The following ZMAT5 variants were observed in gnomAD, a reference collection of about 807,000 sequenced individuals.
ZMAT5 encodes the protein zinc finger matrin-type protein 5.
Under a neutral mutation model 28.0 loss-of-function variants are expected in ZMAT5, and 23 were observed. That is an observed-to-expected ratio of 0.82 (90% CI 0.59 to 1.16). The LOEUF (loss-of-function observed/expected upper bound fraction) is 1.16, where lower values mean the gene tolerates loss of function less well. ZMAT5 is among the 50% of genes most tolerant of loss of function. The pLI, the probability that ZMAT5 is intolerant of heterozygous loss-of-function variation, is 0.00. For missense variants in ZMAT5, 173 were observed against 212.7 expected, an observed-to-expected ratio of 0.81 and a Z score of 1.16; for synonymous variants, 76 against 84.1, an observed-to-expected ratio of 0.90 and a Z score of 0.52.
At chr22:29,752,373 T>C (rs2147230861) in intron 1 of ZMAT5, among the ~76,000 whole-genome samples, 1 of 152,282 alleles carries the variant, frequency 6.6e-6, no homozygotes, top group Middle Eastern at 3.4e-3. Flanking sequence ...CCCCTCTCTC[T>C]CACCCCCTCC....
intron 5 of ZMAT5, among the ~76,000 whole-genome samples, chr22:29,737,454 T>C (rs2067916955): frequency 2.0e-5 from 3 of 152,250 alleles, no homozygotes; most frequent in Admixed American, 2.0e-4. Context: ...CCCCAGACTA[T>C]CTGGCCAGGT....
chr22:29,740,606 C>G lies in ZMAT5; in HGVS notation c.271+44G>C, dbSNP rs2067952260. On this transcript the variant is annotated intron_variant, in intron 4 of 5. Coordinates refer to ENST00000344318, the MANE Select transcript of ZMAT5 (RefSeq NM_001003692.2). ...TCCCCGGTCTCAGAGCCCACATGCC[C>G]CAGCACCCCACTCCCGCTTAGCCCA... 1.9e-6 allele frequency: 3 copies of G among 1,552,070 alleles called. No individual in the cohort carries two copies. The South Asian group carries it at 3.5e-5, about 18-fold the overall frequency.
intron 5 of ZMAT5, among the ~76,000 whole-genome samples, chr22:29,734,912 C>G (rs1222176491): frequency 6.6e-6 from 1 of 152,108 alleles, no homozygotes; most frequent in African/African-American, 2.4e-5. Context: ...CAGGGTGCAT[C>G]AGGGCTGCTG....
chr22:29,733,004 CCA>C (rs1381261567), intron 5 of ZMAT5, among the ~76,000 whole-genome samples: 1 of 152,204 alleles, frequency 6.6e-6, no homozygotes, highest in Non-Finnish European at 1.5e-5. Flanking sequence ...CTATTCTGGG[CCA>C]CACACCATGA....
chr22:29,737,954 G>A (rs989146531), intron 5 of ZMAT5, among the ~76,000 whole-genome samples: 3 of 151,830 alleles, frequency 2.0e-5, no homozygotes, highest in African/African-American at 7.3e-5. Flanking sequence ...CGGGCAAGTC[G>A]CACCCTCCCT....
intron 1 of ZMAT5, among the ~76,000 whole-genome samples, chr22:29,757,257 A>AC (rs2068111552): frequency 6.6e-6 from 1 of 151,346 alleles, no homozygotes; most frequent in Non-Finnish European, 1.5e-5. Context: ...AAAAAAAAAA[A>AC]CAGAAAGAAA....
intron 1 of ZMAT5, among the ~76,000 whole-genome samples, chr22:29,755,334 A>G (rs867636073): frequency 5.1e-5 from 1 of 19,708 alleles, no homozygotes; most frequent in Non-Finnish European, 1.1e-4. Flanking sequence ...AAGGAGAGAG[A>G]GAGAGAGGGA....
At chr22:29,745,984 T>G (rs2147225194) in intron 2 of ZMAT5, among the ~76,000 whole-genome samples, 1 of 152,292 alleles carries the variant, frequency 6.6e-6, no homozygotes, top group Admixed American at 6.5e-5. Flanking sequence ...TTTATTTATT[T>G]TTTTTTGAGA....
At chr22:29,742,332 G>T in intron 3 of ZMAT5, 86 bp downstream of exon 3, 1 of 1,406,388 alleles carries the variant, frequency 7.1e-7, no homozygotes, top group Non-Finnish European at 9.9e-7. Context: ...GGCCCGGGTC[G>T]GGGAAGACAC....
chr22:29,745,741 G>A (rs1189432613), intron 2 of ZMAT5, among the ~76,000 whole-genome samples: 2 of 152,252 alleles, frequency 1.3e-5, no homozygotes, highest in African/African-American at 4.8e-5. Flanking sequence ...CATGGCGGAT[G>A]GATCATCAGC....
intron 1 of ZMAT5, among the ~76,000 whole-genome samples, chr22:29,766,414 T>G (rs1439452986): frequency 6.6e-6 from 1 of 152,226 alleles, no homozygotes; most frequent in African/African-American, 2.4e-5. Context: ...AAGCACTATC[T>G]GTTTGCTGTA....
chr22:29,745,082 A>G (rs191214653), intron 2 of ZMAT5, among the ~76,000 whole-genome samples: 1 of 152,368 alleles, frequency 6.6e-6, no homozygotes, highest in Admixed American at 6.5e-5. Context: ...TGAGGATTTA[A>G]GTGGAGAACA....
intron 1 of ZMAT5, 59 bp from the exon 2 acceptor site, chr22:29,748,630 C>A: frequency 6.3e-7 from 1 of 1,587,616 alleles, no homozygotes; most frequent in South Asian, 1.1e-5. Context: ...CCTCACCAGC[C>A]CACTGAATGC....
chr22:29,754,714 A>G (rs1166691479), intron 1 of ZMAT5, among the ~76,000 whole-genome samples: 1 of 151,696 alleles, frequency 6.6e-6, no homozygotes, highest in Non-Finnish European at 1.5e-5. Flanking sequence ...CTACAGAAAG[A>G]AAGAAAAAAA....
intron 2 of ZMAT5, among the ~76,000 whole-genome samples, chr22:29,745,891 G>T (rs2068005064): frequency 6.6e-6 from 1 of 152,248 alleles, no homozygotes; most frequent in South Asian, 2.1e-4. Context: ...TCCTGAGGAA[G>T]TGGAAAGAGG....
At chr22:29,763,685 G>GT (rs1313236166) in intron 1 of ZMAT5, among the ~76,000 whole-genome samples, 2 of 152,096 alleles carry the variant, frequency 1.3e-5, no homozygotes, top group Non-Finnish European at 2.9e-5. Context: ...CACTTTGGAA[G>GT]GCCAAGGTGG....
intron 1 of ZMAT5, among the ~76,000 whole-genome samples, chr22:29,752,247 C>A (rs1364126250): frequency 6.6e-6 from 1 of 152,170 alleles, no homozygotes; most frequent in Non-Finnish European, 1.5e-5. Flanking sequence ...ACCAGCCCAC[C>A]AGGAAACTGG....
At chr22:29,763,657 T>C (rs1733364601) in intron 1 of ZMAT5, among the ~76,000 whole-genome samples, 1 of 151,456 alleles carries the variant, frequency 6.6e-6, no homozygotes, top group Non-Finnish European at 1.5e-5. Flanking sequence ...GGGAGATGGC[T>C]CATGTCTGTA....
At position 29,740,671 on chromosome 22, in the gene ZMAT5, C is replaced by T. The variant is rs772489859; in HGVS notation, c.250G>A (p.Glu84Lys). 1 of 1,603,760 alleles carries T rather than the reference C, an allele frequency of 6.2e-7. No individual in the cohort carries two copies. The highest frequency in any genetic ancestry group is 1.3e-5 in the African/African-American group (1 of 74,872). Residue 84 changes from glutamate (E) to lysine (K), a missense_variant, in exon 4 of 6, where the codon GAG becomes AAG. Transcript: ENST00000344318. ...GTACCCTCCACCTGGATGCTCAGCT[C>T]CTGCAGGTCTCGCTCTGACATGTGG... ...FSHMSERDLQ[E>K]LSIQVEEERR...
Sources: allele counts gnomAD v4.1 joint callset (sites outside exome capture counted in the v4.1 genomes callset), GRCh38; gene constraint gnomAD v4.1.1; transcripts MANE v1.5; gene names NCBI Gene and HGNC (gene_info 2026-07-23, HGNC 2026-07-21).